The following SPATA13 variants were observed in gnomAD, a reference collection of about 807,000 sequenced individuals.
SPATA13 encodes spermatogenesis associated 13, also known as spermatogenesis-associated protein 13.
SPATA13 carries 50 observed loss-of-function variants against 104.0 expected under a neutral mutation model. That is an observed-to-expected ratio of 0.48 (90% CI 0.38 to 0.61). SPATA13 has a LOEUF of 0.61. Ranked by LOEUF, SPATA13 falls within the 20% of genes least tolerant of loss-of-function variation. The probability of loss-of-function intolerance (pLI) is 0.00; values close to 1 mark genes in which losing one functional copy is unlikely to be tolerated. For missense variants in SPATA13, 1,524 were observed against 1,690.6 expected (o/e 0.90, Z 1.73); for synonymous variants, 606 against 667.5 (o/e 0.91, Z 1.42).
intron 4 of SPATA13, chr13:24,253,189 A>T (rs557943192): frequency 6.6e-6 from 1 of 152,104 alleles, no homozygotes; most frequent in African/African-American, 2.4e-5. Flanking sequence ...GTCTCCAGGG[A>T]CCCTTGCCTT....
At chr13:24,214,483 T>G (rs1285062600) in intron 1 of SPATA13, among the ~76,000 whole-genome samples, 2 of 152,252 alleles carry the variant, frequency 1.3e-5, no homozygotes, top group Non-Finnish European at 2.9e-5. Context: ...TAAAAGAAAC[T>G]GCTCTAAAAG....
At chr13:24,046,963 C>T (rs1050883420) in intron 3 of SPATA13, among the ~76,000 whole-genome samples, 9 of 152,024 alleles carry the variant, frequency 5.9e-5, no homozygotes, top group Non-Finnish European at 7.4e-5. Context: ...CTTTATTACT[C>T]AAATCAGCCT....
At chr13:24,142,969 G>A (rs553970574) in intron 3 of SPATA13, among the ~76,000 whole-genome samples, 1 of 152,294 alleles carries the variant, frequency 6.6e-6, no homozygotes, top group Non-Finnish European at 1.5e-5. Context: ...CCTCTCACTG[G>A]TTACAAACTG....
chr13:24,279,602 C>G (rs973298860), intron 4 of SPATA13, among the ~76,000 whole-genome samples: 1 of 152,124 alleles, frequency 6.6e-6, no homozygotes, highest in Admixed American at 6.5e-5. Flanking sequence ...TGGACACTTT[C>G]AGGAACTTGA....
chr13:24,066,565 C>T (rs1878970835), intron 3 of SPATA13, among the ~76,000 whole-genome samples: 1 of 152,148 alleles, frequency 6.6e-6, no homozygotes, highest in African/African-American at 2.4e-5. Context: ...AGAGGCATTT[C>T]TCAAAGGCGG....
intron 2 of SPATA13, among the ~76,000 whole-genome samples, chr13:24,234,456 C>T (rs1872462528): frequency 6.6e-6 from 1 of 152,092 alleles, no homozygotes; most frequent in African/African-American, 2.4e-5. Flanking sequence ...TTCTCTATAA[C>T]AATTAAGATC....
At chr13:24,079,210 G>A (rs1420002723) in intron 3 of SPATA13, among the ~76,000 whole-genome samples, 1 of 152,210 alleles carries the variant, frequency 6.6e-6, no homozygotes, top group East Asian at 1.9e-4. Context: ...CCACATGGCT[G>A]CAGGAGAGAC....
intron 12 of SPATA13, among the ~76,000 whole-genome samples, chr13:24,301,349 C>T (rs570098261): frequency 6.6e-6 from 1 of 152,170 alleles, no homozygotes; most frequent in Non-Finnish European, 1.5e-5. Context: ...TTCCCCAAAC[C>T]ACACTTAACA....
chr13:24,262,696 C>G (rs1874114424), intron 4 of SPATA13, among the ~76,000 whole-genome samples: 1 of 152,152 alleles, frequency 6.6e-6, no homozygotes, highest in Non-Finnish European at 1.5e-5. Flanking sequence ...ACCTGGCACA[C>G]AGTAAGTGTG....
intron 3 of SPATA13, among the ~76,000 whole-genome samples, chr13:24,066,821 A>G (rs761595535): frequency 2.5e-4 from 38 of 152,300 alleles, no homozygotes; most frequent in African/African-American, 5.3e-4. Flanking sequence ...TCCAGCAGGC[A>G]TCCGCCCTCT....
chr13:24,194,615 G>C (rs995682507), intron 1 of SPATA13, among the ~76,000 whole-genome samples: 3 of 152,176 alleles, frequency 2.0e-5, no homozygotes, highest in African/African-American at 7.2e-5. Flanking sequence ...AATGAGCCCG[G>C]TAGGTCCTCA....
At chr13:24,039,740 T>C (rs961285657) in intron 3 of SPATA13, among the ~76,000 whole-genome samples, 9 of 152,194 alleles carry the variant, frequency 5.9e-5, no homozygotes, top group Non-Finnish European at 1.3e-4. Context: ...TGCATGTGAC[T>C]GGGGTTGGGG....
intron 3 of SPATA13, among the ~76,000 whole-genome samples, chr13:24,069,327 G>A (rs1879080130): frequency 6.6e-6 from 1 of 152,108 alleles, no homozygotes; most frequent in Non-Finnish European, 1.5e-5. Context: ...TCCTTGTAAA[G>A]ATCTTTCACC....
chr13:24,251,416 A>G, intron 3 of SPATA13: 2 of 947,576 alleles, frequency 2.1e-6, no homozygotes, highest in Non-Finnish European at 2.5e-6. Flanking sequence ...ACTGCTTCCT[A>G]AATGTGCCTT....
In SPATA13 at chr13:24,193,941, G is replaced by A. The variant is rs59069442; in HGVS notation, c.-111-28878G>A. 3.1e-4 allele frequency among the ~76,000 whole-genome samples: 47 copies of A among 152,250 alleles called. 1 individual carries two copies. The East Asian group carries it at 7.0e-3, about 23-fold the overall frequency. On this transcript the variant is annotated intron_variant, in intron 1 of 12. Transcript: ENST00000382108. Reference sequence around the variant, plus strand: ...CACATTGTGATGAGTTTAGAAGGGTGGAAGCTTTGAGGACTATAGAGACAC... The same window carrying A: ...CACATTGTGATGAGTTTAGAAGGGTAGAAGCTTTGAGGACTATAGAGACAC...
intron 4 of SPATA13, among the ~76,000 whole-genome samples, chr13:24,260,307 A>C (rs564971018): frequency 5.9e-5 from 9 of 152,348 alleles, no homozygotes; most frequent in African/African-American, 2.2e-4. Flanking sequence ...ACATCTGAGA[A>C]GTTGAGAGTA....
At chr13:24,180,850 G>A (rs1873445746) in intron 1 of SPATA13, among the ~76,000 whole-genome samples, 1 of 151,912 alleles carries the variant, frequency 6.6e-6, no homozygotes, top group Non-Finnish European at 1.5e-5. Flanking sequence ...ACAGGGATAC[G>A]TTCTGATAAA....
intron 3 of SPATA13, among the ~76,000 whole-genome samples, chr13:24,065,805 T>C (rs1422109726): frequency 1.3e-5 from 2 of 152,236 alleles, no homozygotes; most frequent in East Asian, 3.8e-4. Context: ...GTGAGTTCTG[T>C]CATTCTCAAC....
intron 3 of SPATA13, among the ~76,000 whole-genome samples, chr13:24,140,088 T>C (rs535084265): frequency 1.4e-5 from 2 of 147,224 alleles, no homozygotes; most frequent in East Asian, 4.0e-4. Context: ...AAAAAAAAAG[T>C]CTGTAACATG....
Sources: gnomAD v4.1 joint callset for allele counts (sites outside exome capture counted in the v4.1 genomes callset) on GRCh38, gnomAD v4.1.1 for gene constraint, MANE v1.5 for transcripts, NCBI Gene and HGNC (gene_info 2026-07-23, HGNC 2026-07-21) for gene names.